Variants in CEP112 observed in about 807,000 individuals in gnomAD.
CEP112 encodes centrosomal protein 112, also known as centrosomal protein of 112 kDa.
Under a neutral mutation model 153.0 loss-of-function variants are expected in CEP112, and 127 were observed. The observed-to-expected ratio is 0.83, with a 90% CI of 0.72 to 0.96. The LOEUF (loss-of-function observed/expected upper bound fraction) is 0.96, where lower values mean the gene tolerates loss of function less well. Among genes scored for constraint, CEP112 ranks in the 40% least tolerant of loss-of-function variants. The pLI, the probability that CEP112 is intolerant of heterozygous loss-of-function variation, is 0.00. For synonymous variants in CEP112, 358 were observed against 374.4 expected, an observed-to-expected ratio of 0.96 and a Z score of 0.51; for missense variants, 1,089 against 1,101.2, an observed-to-expected ratio of 0.99 and a Z score of 0.16.
rs945346848 is a variant in CEP112, at chr17:65,906,226, T to C, written c.1981-3892A>G. 4.1e-5 allele frequency among the ~76,000 whole-genome samples: 6 copies of C among 146,196 alleles called. No homozygotes were observed. The Admixed American group carries it at 4.1e-4, about 10-fold the overall frequency. On this transcript the variant is annotated intron_variant, in intron 19 of 26. Transcript: ENST00000535342. ...AGTGGGAGCTGAACAATGAGAACAC[T>C]TGGACACAGGGAGGGGAACATCACA...
intron 17 of CEP112, among the ~76,000 whole-genome samples, chr17:65,984,419 T>C (rs2063332101): frequency 6.6e-6 from 1 of 152,164 alleles, no homozygotes; most frequent in Non-Finnish European, 1.5e-5. Flanking sequence ...GGCAACTAAT[T>C]GAAAATTTTC....
intron 19 of CEP112, chr17:65,913,683 C>G: frequency 2.0e-6 from 2 of 985,362 alleles, no homozygotes; most frequent in Non-Finnish European, 2.4e-6. Context: ...CCAGGGCCTG[C>G]CAGCATACAC....
At chr17:65,904,754 T>C (rs1375526855) in intron 19 of CEP112, among the ~76,000 whole-genome samples, 1 of 151,958 alleles carries the variant, frequency 6.6e-6, no homozygotes, top group Non-Finnish European at 1.5e-5. Flanking sequence ...CCAAAACAGA[T>C]ATATAGGCCA....
At chr17:65,888,089 C>T (rs898034411) in intron 20 of CEP112, among the ~76,000 whole-genome samples, 1 of 152,156 alleles carries the variant, frequency 6.6e-6, no homozygotes, top group Non-Finnish European at 1.5e-5. Flanking sequence ...TATCACTCTT[C>T]CTTCTCCCTT....
chr17:66,053,229 C>T (rs760473177), intron 12 of CEP112, among the ~76,000 whole-genome samples: 3 of 151,272 alleles, frequency 2.0e-5, no homozygotes, highest in Non-Finnish European at 2.9e-5. Flanking sequence ...AGACTAGGTA[C>T]AGGGGCTCAC....
chr17:66,152,484 T>C (rs1267076085), intron 4 of CEP112, among the ~76,000 whole-genome samples: 2 of 152,200 alleles, frequency 1.3e-5, no homozygotes, highest in Non-Finnish European at 2.9e-5. Flanking sequence ...TAAGACTTCA[T>C]GGTTTTAAAA....
At chr17:65,784,930 CA>C (rs1169036059) in intron 21 of CEP112, among the ~76,000 whole-genome samples, 1 of 151,926 alleles carries the variant, frequency 6.6e-6, no homozygotes, top group East Asian at 1.9e-4. Context: ...TTCATCACCT[CA>C]AAAAAACAAA....
chr17:65,870,500 G>C (rs1386133525), intron 20 of CEP112, among the ~76,000 whole-genome samples: 1 of 152,080 alleles, frequency 6.6e-6, no homozygotes, highest in Non-Finnish European at 1.5e-5. Context: ...GATTTTAAAG[G>C]TAATAGAAGT....
At chr17:66,127,671 A>G (rs1188042469) in intron 6 of CEP112, among the ~76,000 whole-genome samples, 1 of 152,104 alleles carries the variant, frequency 6.6e-6, no homozygotes. Flanking sequence ...GAGCTGTTCT[A>G]GTCTCCGGGC....
intron 11 of CEP112, among the ~76,000 whole-genome samples, chr17:66,055,553 G>A (rs571028898): frequency 2.0e-5 from 3 of 152,068 alleles, no homozygotes; most frequent in Non-Finnish European, 2.9e-5. Flanking sequence ...TTTTACAGTT[G>A]TACTTACAGG....
chr17:66,078,017 T>G (rs2067567218), intron 8 of CEP112, among the ~76,000 whole-genome samples: 1 of 152,230 alleles, frequency 6.6e-6, no homozygotes, highest in African/African-American at 2.4e-5. Context: ...TTACATTAAG[T>G]CCTTAATCCA....
intron 20 of CEP112, among the ~76,000 whole-genome samples, chr17:65,861,838 C>A (rs926330158): frequency 2.0e-5 from 3 of 152,170 alleles, no homozygotes; most frequent in Admixed American, 2.0e-4. Context: ...CTTGGCACTA[C>A]CTCGGAAAGT....
chr17:66,099,465 C>T (rs962645541), intron 6 of CEP112, among the ~76,000 whole-genome samples: 2 of 142,142 alleles, frequency 1.4e-5, no homozygotes, highest in African/African-American at 2.6e-5. Context: ...GATCATGCCA[C>T]TGCACTCCAG....
chr17:65,953,428 A>C (rs1461923949), intron 18 of CEP112, among the ~76,000 whole-genome samples: 1 of 152,246 alleles, frequency 6.6e-6, no homozygotes. Context: ...ACAGGAACAT[A>C]GCAGGAAAGC....
chr17:65,660,385 T>TCCTC (rs375979239), intron 24 of CEP112, among the ~76,000 whole-genome samples: 5 of 123,432 alleles, frequency 4.1e-5, no homozygotes, highest in East Asian at 5.4e-4. Context: ...CTTCCTTCCT[T>TCCTC]CCTCCCTCCC....
At chr17:65,839,466 T>C (rs2057435953) in intron 21 of CEP112, among the ~76,000 whole-genome samples, 1 of 126,154 alleles carries the variant, frequency 7.9e-6, no homozygotes, top group South Asian at 2.8e-4. Context: ...CATCCCTTTA[T>C]GATTAAAAAA....
chr17:66,071,424 C>T (rs1305681532), intron 8 of CEP112, among the ~76,000 whole-genome samples: 1 of 151,912 alleles, frequency 6.6e-6, no homozygotes, highest in Non-Finnish European at 1.5e-5. Context: ...GAACTAAAGC[C>T]AAAAAACAGT....
At chr17:65,855,882 AGT>A (rs1285730598) in intron 20 of CEP112, among the ~76,000 whole-genome samples, 3 of 152,082 alleles carry the variant, frequency 2.0e-5, no homozygotes, top group Non-Finnish European at 4.4e-5. Context: ...TTGGCAATAT[AGT>A]GAGGCTCCTT....
chr17:66,017,375 TCC>T (rs1177020241), intron 16 of CEP112, among the ~76,000 whole-genome samples: 2 of 152,178 alleles, frequency 1.3e-5, no homozygotes, highest in African/African-American at 4.8e-5. Context: ...AATAAGGGAC[TCC>T]CCTCTGAGGT....
Sources: gnomAD v4.1 joint callset for allele counts (sites outside exome capture counted in the v4.1 genomes callset) on GRCh38, gnomAD v4.1.1 for gene constraint, MANE v1.5 for transcripts, NCBI Gene and HGNC (gene_info 2026-07-23, HGNC 2026-07-21) for gene names.